The following TJAP1 variants were observed in gnomAD, a reference collection of about 807,000 sequenced individuals.
TJAP1 encodes the protein tight junction-associated protein 1.
In TJAP1, 27 loss-of-function variants were observed where a neutral mutation model predicts 42.0. The observed-to-expected ratio is 0.64, with a 90% CI of 0.47 to 0.89. TJAP1 has a LOEUF of 0.89. Ranked by LOEUF, TJAP1 falls within the 40% of genes least tolerant of loss-of-function variation. The pLI is 0.00. For synonymous variants in TJAP1, 257 were observed against 288.4 expected, an observed-to-expected ratio of 0.89 and a Z score of 1.10; for missense variants, 712 against 726.9, an observed-to-expected ratio of 0.98 and a Z score of 0.24.
At chr6:43,502,707 C>T (rs926160795) in intron 8 of TJAP1, 90 bp downstream of exon 8, 9 of 1,392,568 alleles carry the variant, frequency 6.5e-6, no homozygotes, top group Non-Finnish European at 9.0e-6. Flanking sequence ...TTACCCTGTG[C>T]CCCTTGAGTA....
intron 7 of TJAP1, 90 bp downstream of exon 7, chr6:43,502,439 G>T: frequency 6.6e-7 from 1 of 1,525,618 alleles, no homozygotes; most frequent in Non-Finnish European, 8.9e-7. Flanking sequence ...ACTCTGCCCT[G>T]GGGCTTGAGG....
At chr6:43,504,678 G>T in intron 10 of TJAP1, 83 bp from the exon 11 acceptor site, 1 of 1,532,092 alleles carries the variant, frequency 6.5e-7, no homozygotes, top group Non-Finnish European at 8.8e-7. Flanking sequence ...GTACTTAAAG[G>T]TGGGAGCCAT....
At position 43,491,207 on chromosome 6, in the gene TJAP1, G is replaced by A. The variant is rs1439813261; in HGVS notation, c.-121-6674G>A. On this transcript the variant is annotated intron_variant, in intron 2 of 10. Transcript: ENST00000372449. This position sits in a 1 kb window ranked among gnomAD's most constrained non-coding sequence, Gnocchi z 4.6. The stretch of plus-strand genomic sequence containing the variant: ...AGCGAGGAGGATAGCACTCCTGAGC[G>A]GGATGATGATTTCTCGGAGGTTGAT... Among the ~76,000 whole-genome samples, 5 of 152,136 alleles carry A rather than the reference G, an allele frequency of 3.3e-5. No homozygotes were observed. The highest frequency in any genetic ancestry group is 5.9e-5 in the Non-Finnish European group (4 of 68,020).
In TJAP1 at chr6:43,505,352, A is replaced by T; in HGVS notation, c.1171A>T (p.Ser391Cys). Reference sequence around the variant, plus strand: ...CCAGGCCTCACCCCACCACCAGCCCAGCCCAGCACCCCTAACACTCAGTGC... The same window carrying T: ...CCAGGCCTCACCCCACCACCAGCCCTGCCCAGCACCCCTAACACTCAGTGC... The change falls in exon 11 of 11, where the codon AGC (serine) becomes TGC (cysteine). Residue 391 changes from serine (S) to cysteine (C), a missense_variant. Coordinates refer to ENST00000372449, the Ensembl canonical transcript of TJAP1. The surrounding 1 kb of genome is among the most constrained non-coding windows in gnomAD (Gnocchi z 5.5). 6.2e-7 allele frequency: 1 copy of T among 1,608,794 alleles called. No individual in the cohort carries two copies. Among genetic ancestry groups the T allele is most frequent in the Non-Finnish European group, 8.5e-7 (1 of 1,179,422 alleles).
rs1365938055 is a variant in TJAP1, at chr6:43,505,499, C to T, written c.1318C>T (p.Pro440Ser). 6.2e-7 allele frequency: 1 copy of T among 1,613,806 alleles called. No individual in the cohort carries two copies. Among genetic ancestry groups the T allele is most frequent in the African/African-American group, 1.3e-5 (1 of 74,926 alleles). The stretch of plus-strand genomic sequence containing the variant: ...CACAGCCTTTGGACGCGATGCCCTC[C>T]CTGAGCTGCAGCGCCATTTTGCCCA... Residue 440 changes from proline to serine, a missense_variant, in exon 11 of 11, where the codon CCT becomes TCT. Physicochemically the swap from Pro to Ser is moderately conservative, Grantham distance 74 (BLOSUM62 -1). Around this residue, in one of 3 missense-constraint regions of TJAP1, gnomAD observed 549 missense variants for 528.2 expected, o/e 1.04. Transcript: ENST00000372449. This position sits in a 1 kb window ranked among gnomAD's most constrained non-coding sequence, Gnocchi z 5.5.
rs1368905689 is a variant in TJAP1 at position 43,505,446 on chromosome 6, C to T, written c.1265C>T (p.Thr422Ile). The change falls in exon 11 of 11, where the codon ACT becomes ATT. Residue 422 changes from threonine to isoleucine, a missense_variant. Coordinates refer to ENST00000372449, the Ensembl canonical transcript of TJAP1. The surrounding 1 kb of genome is among the most constrained non-coding windows in gnomAD (Gnocchi z 5.5). ...TGGCAGCGGGCATTTGTGGACCGTA[C>T]TCCACCACCTGCTGCTGTGGCCCAG... 1.9e-6 allele frequency: 3 copies of T among 1,613,340 alleles called. No individual in the cohort carries two copies. Among genetic ancestry groups the T allele is most frequent in the South Asian group, 1.1e-5 (1 of 91,078 alleles).
chr6:43,501,893 A>C (rs192367561), intron 6 of TJAP1, among the ~76,000 whole-genome samples: 2,471 of 61,896 alleles, frequency 0.04, 34 homozygotes, highest in Non-Finnish European at 0.064. Context: ...ATGCGGGGCC[A>C]CACACACACA....
rs1014556953 is a variant in TJAP1 at position 43,491,470 on chromosome 6, A to G, written c.-121-6411A>G. ...CACGCCCGGCTCATTTTGTATTTTT[A>G]GTAGAGACGGGGTTTCTCCATGTTA... On this transcript the variant is annotated intron_variant, in intron 2 of 10. Coordinates refer to ENST00000372449, the Ensembl canonical transcript of TJAP1. The surrounding 1 kb of genome is among the most constrained non-coding windows in gnomAD (Gnocchi z 4.6). Among the ~76,000 whole-genome samples the G allele has an allele frequency of 1.3e-5, 2 of 152,114 alleles. No homozygotes were observed. Among genetic ancestry groups the G allele is most frequent in the African/African-American group, 4.8e-5 (2 of 41,500 alleles).
chr6:43,495,142 C>T lies in TJAP1; in HGVS notation c.-121-2739C>T, dbSNP rs1788821862. Among the ~76,000 whole-genome samples the T allele has an allele frequency of 6.6e-6, 1 of 152,260 alleles. No homozygotes were observed. The highest frequency in any genetic ancestry group is 2.1e-4 in the South Asian group (1 of 4,838). ...AAGGAGATGTGGCCAGGGGAGGCTG[C>T]ACCTGGTAGCTGGGTCTTCCTGGAG... On this transcript the variant is annotated intron_variant, in intron 2 of 10. Transcript: ENST00000372449. The surrounding 1 kb of genome is among the most constrained non-coding windows in gnomAD (Gnocchi z 4.6).
intron 4 of TJAP1, chr6:43,500,475 C>G: frequency 2.0e-6 from 1 of 489,058 alleles, no homozygotes; most frequent in South Asian, 2.8e-5. Context: ...AGCTTGGGTG[C>G]CAGGACTTAT....
chr6:43,482,294 G>A (rs1581891230), intron 2 of TJAP1, among the ~76,000 whole-genome samples: 1 of 152,118 alleles, frequency 6.6e-6, no homozygotes, highest in Admixed American at 6.5e-5. Context: ...TCTTTGTTGT[G>A]TAAATCAATT....
chr6:43,482,801 A>G (rs1562237932), intron 2 of TJAP1, among the ~76,000 whole-genome samples: 4 of 152,264 alleles, frequency 2.6e-5, no homozygotes, highest in African/African-American at 9.6e-5. Flanking sequence ...TCTATCTTCC[A>G]TGGTGCTGTC....
chr6:43,487,008 CAG>C (rs1262551902), intron 2 of TJAP1, among the ~76,000 whole-genome samples: 1 of 152,098 alleles, frequency 6.6e-6, no homozygotes, highest in Non-Finnish European at 1.5e-5. Context: ...TTATGTTAAG[CAG>C]AGAGGGGGTT....
intron 6 of TJAP1, among the ~76,000 whole-genome samples, 177 bp from the exon 7 acceptor site, chr6:43,502,105 CT>C (rs1791036880): frequency 6.6e-6 from 1 of 150,686 alleles, no homozygotes; most frequent in Middle Eastern, 3.2e-3. Flanking sequence ...CTCTCTCTCT[CT>C]CTCTCCTTTC....
intron 2 of TJAP1, among the ~76,000 whole-genome samples, chr6:43,481,691 C>G (rs1410983413): frequency 6.6e-6 from 1 of 152,130 alleles, no homozygotes; most frequent in Non-Finnish European, 1.5e-5. Flanking sequence ...GAAGAAGGCC[C>G]TGGCAGCGGT....
intron 6 of TJAP1, 115 bp from the exon 7 acceptor site, chr6:43,502,168 A>T (rs1791062054): frequency 3.0e-6 from 3 of 991,988 alleles, no homozygotes; most frequent in African/African-American, 1.6e-5. Context: ...CCTATTAGAA[A>T]ACTGAAGTTC....
At position 43,491,983 on chromosome 6, in the gene TJAP1, T is replaced by G. The variant is rs1275093014; in HGVS notation, c.-121-5898T>G. 6.6e-6 allele frequency among the ~76,000 whole-genome samples: 1 copy of G among 152,194 alleles called. No individual in the cohort carries two copies. Among genetic ancestry groups the G allele is most frequent in the Non-Finnish European group, 1.5e-5 (1 of 68,024 alleles). ...CCTGGTTGAGGGCCGGTCCTTCACT[T>G]TGGCCTTTCTTAGGAGAGGGCATGG... On this transcript the variant is annotated intron_variant, in intron 2 of 10. Coordinates refer to ENST00000372449, the Ensembl canonical transcript of TJAP1. The surrounding 1 kb of genome is among the most constrained non-coding windows in gnomAD (Gnocchi z 4.6).
intron 2 of TJAP1, among the ~76,000 whole-genome samples, chr6:43,478,489 A>T (rs1446566755): frequency 6.6e-6 from 1 of 152,230 alleles, no homozygotes; most frequent in Non-Finnish European, 1.5e-5. Context: ...AGGCCGAAGG[A>T]TGTTAACACA....
intron 2 of TJAP1, among the ~76,000 whole-genome samples, chr6:43,487,302 C>A (rs1786752874): frequency 6.6e-6 from 1 of 152,160 alleles, no homozygotes. Context: ...ACTCAGCTAA[C>A]CAATAGGATA....
Sources: gnomAD v4.1 joint callset for allele counts (sites outside exome capture counted in the v4.1 genomes callset) on GRCh38, gnomAD v4.1.1 for gene constraint, gnomAD v4.1.1 regional missense constraint, Gnocchi (gnomAD v3.1) non-coding constraint, MANE v1.5 for transcripts, NCBI Gene and HGNC (gene_info 2026-07-23, HGNC 2026-07-21) for gene names.